RPE65: variants seen among roughly 807,000 people sequenced by gnomAD.
RPE65 encodes the protein retinoid isomerohydrolase RPE65, also known as retinoid isomerohydrolase.
RPE65 carries 58 observed loss-of-function variants against 68.5 expected under a neutral mutation model. That is an observed-to-expected ratio of 0.85 (90% confidence interval 0.69 to 1.05). RPE65 has a LOEUF of 1.05. Ranked by LOEUF, RPE65 falls within the 50% of genes least tolerant of loss-of-function variation. The pLI is 0.00. For missense variants in RPE65, 643 were observed against 629.9 expected (o/e 1.02, Z -0.22); for synonymous variants, 220 against 222.2 (o/e 0.99, Z 0.09).
In RPE65 at chr1:68,440,952, G is replaced by A. The variant is rs61752884; in HGVS notation, c.544C>T (p.His182Tyr). The A allele has an allele frequency of 2.5e-6, 4 of 1,613,974 alleles. No individual in the cohort carries two copies. The highest frequency in any genetic ancestry group is 1.7e-5 in the Admixed American group (1 of 60,006). Residue 182 changes from histidine (H) to tyrosine (Y), a missense_variant, in exon 6 of 14, where the codon CAC becomes TAC. His to Tyr is a moderately conservative substitution (Grantham distance 83). Transcript: ENST00000262340. ...VSVNGATAHPHIENDGTVYNI... is the reference protein window; with the variant it reads ...VSVNGATAHPYIENDGTVYNI... ...TAAACGGTTCCATCATTTTCAATGT[G>A]GGGGTGAGCAGTGGCCCCATTGACA...
At chr1:68,435,008 C>G (rs1356766648) in intron 10 of RPE65, among the ~76,000 whole-genome samples, 3 of 152,188 alleles carry the variant, frequency 2.0e-5, no homozygotes, top group Admixed American at 2.0e-4. Flanking sequence ...TGAAGCCTGA[C>G]TTCTGTCTCT....
chr1:68,434,972 T>G (rs1645850666), intron 10 of RPE65, among the ~76,000 whole-genome samples: 1 of 152,192 alleles, frequency 6.6e-6, no homozygotes, highest in Admixed American at 6.5e-5. Context: ...GCTTTCCAGA[T>G]ACTCAACTGC....
intron 13 of RPE65, 38 bp downstream of exon 13, chr1:68,431,027 T>TAAG (rs764576639): frequency 2.6e-6 from 4 of 1,514,570 alleles, no homozygotes; most frequent in Non-Finnish European, 3.7e-6. Flanking sequence ...AGAACTGCAG[T>TAAG]AAGAAGAGTA....
intron 5 of RPE65, 149 bp from the exon 6 acceptor site, chr1:68,441,149 A>G: frequency 4.3e-6 from 4 of 926,364 alleles, no homozygotes; most frequent in Non-Finnish European, 6.6e-6. Context: ...ACCCTCTTTC[A>G]CCTTGAGTTC....
Position 68,431,578 on chromosome 1 carries a change from G to C in RPE65, c.1136C>G (p.Thr379Arg), listed in dbSNP as rs1476291228. The C allele has an allele frequency of 6.2e-7, 1 of 1,613,372 alleles. No homozygotes were observed. Among genetic ancestry groups the C allele is most frequent in the East Asian group, 2.2e-5 (1 of 44,852 alleles). Residue 379 changes from threonine (T) to arginine (R), a missense_variant, in exon 11 of 14, where the codon ACA becomes AGA. Coordinates refer to ENST00000262340, the MANE Select transcript of RPE65 (RefSeq NM_000329.3). ...GGGGAGCGTGACTAAATTCTTGCCT[G>C]TGTCAGCCTAGGAGAGAAGATAACA... ...VLPLNIDKAD[T>R]GKNLVTLPNT...
chr1:68,444,947 C>T (rs550272558), intron 3 of RPE65, 64 bp from the exon 4 acceptor site: 1 of 1,340,978 alleles, frequency 7.5e-7, no homozygotes, highest in African/African-American at 1.4e-5. Context: ...CCATGTGGAG[C>T]TTAGAATGGC....
At position 68,429,354 on chromosome 1, in the gene RPE65, A is replaced by G. The variant is rs947960189; in HGVS notation, c.*422T>C. 5.4e-6 allele frequency: 1 copy of G among 185,242 alleles called. No individual in the cohort carries two copies. The highest frequency in any genetic ancestry group is 1.5e-4 in the East Asian group (1 of 6,612). 11.5% of individuals were successfully genotyped at this position (185,242 alleles called of 1,614,324 possible). The stretch of plus-strand genomic sequence containing the variant: ...ACATTTAGTAATTAAGCCTTATTGC[A>G]TGATACTTCCTTGACTCAGCAAAGC... On this transcript the variant is annotated 3_prime_UTR_variant, in exon 14 of 14. Transcript: ENST00000262340.
chr1:68,438,966 A>G lies in RPE65; in HGVS notation c.974T>C (p.Ile325Thr). The G allele has an allele frequency of 1.9e-6, 3 of 1,613,986 alleles. No individual in the cohort carries two copies. Among genetic ancestry groups the G allele is most frequent in the South Asian group, 1.1e-5 (1 of 91,076 alleles). ...CCCTTTCCAGCAGCAGAGATCCACAATCAGAAACCCATTGTCTTCATAGGT... is the reference window on the plus strand; with the variant it reads ...CCCTTTCCAGCAGCAGAGATCCACAGTCAGAAACCCATTGTCTTCATAGGT... ...INTYEDNGFL[I>T]VDLCCWKGFE... Residue 325 changes from isoleucine to threonine, a missense_variant, in exon 9 of 14, where the codon ATT (isoleucine) becomes ACT (threonine). Coordinates refer to ENST00000262340, the MANE Select transcript of RPE65 (RefSeq NM_000329.3).
At chr1:68,436,004 T>C (rs2100813937) in intron 10 of RPE65, among the ~76,000 whole-genome samples, 1 of 152,360 alleles carries the variant, frequency 6.6e-6, no homozygotes, top group Non-Finnish European at 1.5e-5. Flanking sequence ...ACATTTTTTA[T>C]GATTATTACA....
In RPE65 at chr1:68,439,042, G is replaced by A. The variant is rs1162024534; in HGVS notation, c.898C>T (p.Leu300Phe). 1 of 1,614,002 alleles carries A rather than the reference G, an allele frequency of 6.2e-7. No homozygotes were observed. Among genetic ancestry groups the A allele is most frequent in the Non-Finnish European group, 8.5e-7 (1 of 1,179,978 alleles). Reference sequence around the variant, plus strand: ...GGAGAAGTTCTGTATTTATTATTGAGGTACTTTTTCCTTTTTTTGTCAGCA... The same window carrying A: ...GGAGAAGTTCTGTATTTATTATTGAAGTACTTTTTCCTTTTTTTGTCAGCA... ...HIADKKRKKYLNNKYRTSPFN... is the reference protein window; with the variant it reads ...HIADKKRKKYFNNKYRTSPFN... Residue 300 changes from leucine to phenylalanine, a missense_variant, in exon 9 of 14, where the codon CTC becomes TTC. Physicochemically the swap from Leu to Phe is conservative, Grantham distance 22. Coordinates refer to ENST00000262340, the MANE Select transcript of RPE65 (RefSeq NM_000329.3).
chr1:68,445,028 A>T, intron 3 of RPE65, 145 bp from the exon 4 acceptor site: 1 of 760,932 alleles, frequency 1.3e-6, no homozygotes, highest in Non-Finnish European at 2.3e-6. Flanking sequence ...TTATTAGCTC[A>T]CTTTCTTGGG....
chr1:68,437,338 C>A lies in RPE65; in HGVS notation c.1128+849G>T, dbSNP rs142996836. ...TTTAACTCCTCCTTGCCTTTATAGA[C>A]GCCCCTTTGCCTGTCTGTAACACTC... is the stretch of plus-strand genomic sequence containing the variant. On this transcript the variant is annotated intron_variant, in intron 10 of 13. Coordinates refer to ENST00000262340, the MANE Select transcript of RPE65 (RefSeq NM_000329.3). Among the ~76,000 whole-genome samples the A allele has an allele frequency of 7.2e-5, 11 of 152,256 alleles. No individual in the cohort carries two copies. The East Asian group carries it at 2.1e-3, about 29-fold the overall frequency.
chr1:68,445,294 A>G (rs1456953428), intron 3 of RPE65, among the ~76,000 whole-genome samples: 1 of 152,108 alleles, frequency 6.6e-6, no homozygotes, highest in African/African-American at 2.4e-5. Flanking sequence ...AAAATTCCGG[A>G]CATGGTGTGC....
At chr1:68,446,956 A>G in intron 2 of RPE65, 96 bp from the exon 3 acceptor site, 1 of 1,498,500 alleles carries the variant, frequency 6.7e-7, no homozygotes, top group Non-Finnish European at 9.3e-7. Flanking sequence ...CTGATTGGGC[A>G]GCTTCTTCCT....
intron 10 of RPE65, among the ~76,000 whole-genome samples, chr1:68,434,058 G>A (rs1010227167): frequency 6.1e-5 from 9 of 148,422 alleles, no homozygotes; most frequent in African/African-American, 2.2e-4. Context: ...AAGGAGTATA[G>A]TCTTAAGTAG....
intron 10 of RPE65, among the ~76,000 whole-genome samples, chr1:68,432,248 G>A (rs886344143): frequency 6.6e-6 from 1 of 151,950 alleles, no homozygotes; most frequent in Non-Finnish European, 1.5e-5. Context: ...AGGATGTTTT[G>A]GAGAGTGAAG....
At chr1:68,449,150 A>G (rs1645963619) in intron 1 of RPE65, among the ~76,000 whole-genome samples, 1 of 152,072 alleles carries the variant, frequency 6.6e-6, no homozygotes, top group Non-Finnish European at 1.5e-5. Flanking sequence ...TCACAGCATC[A>G]TTGATTTTCT....
At chr1:68,429,980 T>G (rs1645814706) in intron 13 of RPE65, 53 bp from the exon 14 acceptor site, 5 of 1,601,070 alleles carry the variant, frequency 3.1e-6, no homozygotes, top group Non-Finnish European at 4.3e-6. Context: ...GCCCAAGCTA[T>G]AGATTGAATG....
chr1:68,431,628 T>C (rs753148979), intron 10 of RPE65, 43 bp from the exon 11 acceptor site: 2 of 1,523,166 alleles, frequency 1.3e-6, no homozygotes, highest in Middle Eastern at 1.7e-4. Flanking sequence ...CAGGAAAGAA[T>C]TCAAACAGCC....
Sources: allele counts gnomAD v4.1 joint callset (sites outside exome capture counted in the v4.1 genomes callset), GRCh38; gene constraint gnomAD v4.1.1; transcripts MANE v1.5; gene names NCBI Gene and HGNC (gene_info 2026-07-23, HGNC 2026-07-21).